The following CELF4 variants were observed in gnomAD, a reference collection of about 807,000 sequenced individuals.
The protein encoded by CELF4 is CUGBP Elav-like family member 4.
A neutral mutation model predicts 59.9 loss-of-function variants in CELF4; 18 were observed. That is an observed-to-expected ratio of 0.30 (90% CI 0.21 to 0.45). The LOEUF is 0.45. Ranked by LOEUF, CELF4 falls within the 20% of genes least tolerant of loss-of-function variation. The probability of loss-of-function intolerance (pLI) is 1.00; values close to 1 mark genes in which losing one functional copy is unlikely to be tolerated. For synonymous variants in CELF4, 261 were observed against 267.1 expected (o/e 0.98, Z 0.22); for missense variants, 456 against 689.0 (o/e 0.66, Z 3.79).
intron 2 of CELF4, among the ~76,000 whole-genome samples, chr18:37,369,003 G>A (rs2154564012): frequency 6.6e-6 from 1 of 152,346 alleles, no homozygotes; most frequent in Non-Finnish European, 1.5e-5. Flanking sequence ...TGGGGGCTGA[G>A]TGCTTGCTTG....
intron 2 of CELF4, among the ~76,000 whole-genome samples, chr18:37,360,364 G>T (rs139693189): frequency 1.3e-5 from 2 of 152,110 alleles, no homozygotes; most frequent in East Asian, 3.9e-4. Context: ...GGCACCCACC[G>T]GCTGCACAGG....
intron 11 of CELF4, among the ~76,000 whole-genome samples, chr18:37,255,372 G>A (rs548363407): frequency 1.3e-5 from 2 of 151,464 alleles, no homozygotes; most frequent in Non-Finnish European, 2.9e-5. Flanking sequence ...TGCCTCCATC[G>A]TCTCTTTCTT....
At chr18:37,561,488 A>G (rs2099986522) in intron 1 of CELF4, among the ~76,000 whole-genome samples, 1 of 152,242 alleles carries the variant, frequency 6.6e-6, no homozygotes, top group Admixed American at 6.5e-5. Context: ...ATGGCTATCC[A>G]GAGAGCACTA....
At chr18:37,450,271 G>T (rs1332331943) in intron 2 of CELF4, among the ~76,000 whole-genome samples, 1 of 152,034 alleles carries the variant, frequency 6.6e-6, no homozygotes, top group Non-Finnish European at 1.5e-5. Flanking sequence ...GGAAGAAGCA[G>T]GCTGAGCGGT....
chr18:37,353,093 T>G (rs763555618), intron 2 of CELF4, among the ~76,000 whole-genome samples: 16 of 151,652 alleles, frequency 1.1e-4, no homozygotes, highest in Non-Finnish European at 1.6e-4. Flanking sequence ...TGATGGCACG[T>G]GCCTGCAGTC....
intron 2 of CELF4, among the ~76,000 whole-genome samples, chr18:37,470,696 A>C (rs2099818738): frequency 6.6e-6 from 1 of 152,146 alleles, no homozygotes; most frequent in African/African-American, 2.4e-5. Flanking sequence ...CTAGCCCAAG[A>C]GGAGGAATCA....
chr18:37,264,592 CCCCAG>C, intron 10 of CELF4, 77 bp downstream of exon 10: 1 of 1,234,656 alleles, frequency 8.1e-7, no homozygotes, highest in African/African-American at 1.5e-5. Flanking sequence ...CCAACGCACA[CCCCAG>C]CCCAAGGCCC....
At chr18:37,351,978 A>G (rs2098452227) in intron 2 of CELF4, among the ~76,000 whole-genome samples, 1 of 152,160 alleles carries the variant, frequency 6.6e-6, no homozygotes, top group African/African-American at 2.4e-5. Flanking sequence ...CTAGGCAGCC[A>G]AGGGAGTGGC....
chr18:37,506,127 G>A (rs113425692), intron 1 of CELF4, among the ~76,000 whole-genome samples: 1,642 of 149,818 alleles, frequency 0.011, 43 homozygotes, highest in African/African-American at 0.038. Flanking sequence ...TCTCTTAGGC[G>A]GGTGGCTGAG....
At chr18:37,521,282 G>A (rs1288223709) in intron 1 of CELF4, among the ~76,000 whole-genome samples, 2 of 152,010 alleles carry the variant, frequency 1.3e-5, no homozygotes, top group African/African-American at 2.4e-5. Context: ...TTTCAGGCAC[G>A]AACACAAATT....
At chr18:37,272,385 C>T (rs1484710123) in intron 7 of CELF4, among the ~76,000 whole-genome samples, 4 of 152,004 alleles carry the variant, frequency 2.6e-5, no homozygotes, top group Non-Finnish European at 4.4e-5. Flanking sequence ...CCTGGGGATT[C>T]GGGGGCATAA....
At chr18:37,423,087 C>CAGAGAGAG (rs138618926) in intron 2 of CELF4, among the ~76,000 whole-genome samples, 19 of 150,294 alleles carry the variant, frequency 1.3e-4, no homozygotes, top group African/African-American at 3.9e-4. Flanking sequence ...CACACAGAGA[C>CAGAGAGAG]AGAGAGAGAG....
intron 2 of CELF4, among the ~76,000 whole-genome samples, chr18:37,475,682 G>A (rs757375192): frequency 3.9e-5 from 6 of 152,212 alleles, no homozygotes; most frequent in Admixed American, 1.3e-4. Context: ...CAGAGCAACT[G>A]ATCTGCATGG....
At chr18:37,299,837 A>G (rs1182262500) in intron 3 of CELF4, among the ~76,000 whole-genome samples, 3 of 151,974 alleles carry the variant, frequency 2.0e-5, no homozygotes, top group East Asian at 1.9e-4. Context: ...TCCAGGGTCC[A>G]GCCAGCCAGC....
At position 37,542,190 on chromosome 18, in the gene CELF4, T is replaced by C. The variant is rs559149537; in HGVS notation, c.286+23166A>G. On this transcript the variant is annotated intron_variant, in intron 1 of 12. Coordinates refer to ENST00000420428, the MANE Select transcript of CELF4 (RefSeq NM_020180.4). ...CGAATTGCAAGACTAATTAAACTCA[T>C]ACATATTTGTGGAAATGCAAATATA... 1.1e-4 allele frequency among the ~76,000 whole-genome samples: 17 copies of C among 152,378 alleles called. No individual in the cohort carries two copies. In the East Asian group the frequency reaches 2.9e-3, roughly 26 times the overall value.
intron 1 of CELF4, among the ~76,000 whole-genome samples, chr18:37,502,383 A>G (rs1022707500): frequency 1.3e-5 from 2 of 151,760 alleles, no homozygotes; most frequent in Non-Finnish European, 2.9e-5. Flanking sequence ...AGCGGGAGGG[A>G]GGAAGGAAGG....
intron 2 of CELF4, among the ~76,000 whole-genome samples, chr18:37,462,923 TG>T (rs1199579533): frequency 2.0e-5 from 3 of 152,102 alleles, no homozygotes; most frequent in Non-Finnish European, 4.4e-5. Flanking sequence ...TGGGCACCCT[TG>T]TTTTAGATAA....
At chr18:37,500,338 T>C (rs951567316) in intron 1 of CELF4, among the ~76,000 whole-genome samples, 6 of 152,092 alleles carry the variant, frequency 3.9e-5, no homozygotes, top group Middle Eastern at 3.4e-3. Flanking sequence ...GATCCAGGGA[T>C]GGGAAGGAGT....
At chr18:37,431,362 CTTTTTTTTTTTT>C (rs35971960) in intron 2 of CELF4, among the ~76,000 whole-genome samples, 5 of 81,560 alleles carry the variant, frequency 6.1e-5, no homozygotes, top group Admixed American at 1.5e-4. Context: ...CCTTTCTTTC[CTTTTTTTTTTTT>C]TTTTTTTTTT....
Sources: allele counts gnomAD v4.1 joint callset (sites outside exome capture counted in the v4.1 genomes callset), GRCh38; gene constraint gnomAD v4.1.1; transcripts MANE v1.5; gene names NCBI Gene and HGNC (gene_info 2026-07-23, HGNC 2026-07-21).